EDARADD: variants seen among roughly 807,000 people sequenced by gnomAD.
The protein encoded by EDARADD is EDAR associated via death domain, also known as ectodysplasin-A receptor-associated adapter protein.
A neutral mutation model predicts 25.6 loss-of-function variants in EDARADD; 20 were observed. The ratio of observed to expected loss-of-function variants is 0.78; its 90% confidence interval spans 0.55 to 1.14. EDARADD has a LOEUF of 1.14. Ranked by LOEUF, EDARADD falls within the 50% of genes most tolerant of loss-of-function variation. The pLI, the probability that EDARADD is intolerant of heterozygous loss-of-function variation, is 0.00. For synonymous variants in EDARADD, 86 were observed against 94.4 expected (o/e 0.91, Z 0.52); for missense variants, 225 against 270.1 (o/e 0.83, Z 1.17).
At chr1:236,451,208 G>A (rs573624596) in intron 4 of EDARADD, among the ~76,000 whole-genome samples, 12 of 152,264 alleles carry the variant, frequency 7.9e-5, no homozygotes, top group African/African-American at 2.2e-4. Flanking sequence ...GGAGCTAGAT[G>A]GACCTTCTCA....
rs1667550724 is a variant in EDARADD at position 236,398,048 on chromosome 1, G to A, written c.61+3543G>A. On this transcript the variant is annotated intron_variant, in intron 1 of 5. Transcript: ENST00000334232. The surrounding 1 kb of genome is among the most constrained non-coding windows in gnomAD (Gnocchi z 4.1). Reference sequence around the variant, plus strand: ...CCTGGTGTTTTCACACCATTCCAACGTAGGTTTTCACACCCACTCTTGCCT... The same window carrying A: ...CCTGGTGTTTTCACACCATTCCAACATAGGTTTTCACACCCACTCTTGCCT... 1.3e-5 allele frequency among the ~76,000 whole-genome samples: 2 copies of A among 152,144 alleles called. No individual in the cohort carries two copies. Among genetic ancestry groups the A allele is most frequent in the Admixed American group, 6.5e-5 (1 of 15,272 alleles).
intron 5 of EDARADD, among the ~76,000 whole-genome samples, chr1:236,481,611 A>AAAG (rs1553271763): frequency 9.9e-5 from 15 of 151,196 alleles, no homozygotes; most frequent in Admixed American, 2.6e-4. Flanking sequence ...AAAAAAAAAA[A>AAAG]AAAGAAAGAA....
In EDARADD at chr1:236,395,333, C is replaced by G; in HGVS notation, c.61+828C>G. The G allele has an allele frequency of 7.6e-7, 1 of 1,307,738 alleles. No individual in the cohort carries two copies. The highest frequency in any genetic ancestry group is 9.8e-7 in the Non-Finnish European group (1 of 1,024,970). The allele number at this position is 1,307,738 out of a possible 1,614,324, so 81.0% of individuals were successfully genotyped here. ...ACACTCGGGGCCCCGCCTTGCGTCCCAGCCCCGGGTCGCGGCACCCCGGCT... is the reference window on the plus strand; with the variant it reads ...ACACTCGGGGCCCCGCCTTGCGTCCGAGCCCCGGGTCGCGGCACCCCGGCT... On this transcript the variant is annotated intron_variant, in intron 1 of 5. Transcript: ENST00000334232. The surrounding 1 kb of genome is among the most constrained non-coding windows in gnomAD (Gnocchi z 6.9).
In EDARADD at chr1:236,467,447, C is replaced by T. The variant is rs879373259; in HGVS notation, c.220-784C>T. Among the ~76,000 whole-genome samples the T allele has an allele frequency of 1.3e-4, 20 of 149,196 alleles. No homozygotes were observed. The East Asian group carries it at 2.0e-3, about 15-fold the overall frequency. On this transcript the variant is annotated intron_variant, in intron 4 of 5. Coordinates refer to ENST00000334232, the MANE Select transcript of EDARADD (RefSeq NM_145861.4). ...ACGCGCACACACACACACACACACA[C>T]ACACACACATACACACACCTGTCCA...
chr1:236,460,308 C>G (rs1410462181), intron 4 of EDARADD, among the ~76,000 whole-genome samples: 2 of 151,762 alleles, frequency 1.3e-5, no homozygotes, highest in African/African-American at 4.8e-5. Context: ...CCTCAGCCTC[C>G]CACATAGCTA....
Position 236,395,731 on chromosome 1 carries a change from A to C in EDARADD, c.61+1226A>C. ...GGGCGGGAGCTCGGGAGGCGCTCGC[A>C]GCAGCCGCAGGGCTATCGAGGCCGG... On this transcript the variant is annotated intron_variant, in intron 1 of 5. Transcript: ENST00000334232. This position sits in a 1 kb window ranked among gnomAD's most constrained non-coding sequence, Gnocchi z 6.9. 6.6e-7 allele frequency: 1 copy of C among 1,519,428 alleles called. No individual in the cohort carries two copies. Among genetic ancestry groups the C allele is most frequent in the Non-Finnish European group, 8.8e-7 (1 of 1,139,662 alleles). The allele number at this position is 1,519,428 out of a possible 1,614,324, so 94.1% of individuals were successfully genotyped here.
intron 3 of EDARADD, among the ~76,000 whole-genome samples, chr1:236,425,108 C>A (rs1366437508): frequency 1.3e-5 from 2 of 152,182 alleles, no homozygotes; most frequent in Non-Finnish European, 2.9e-5. Flanking sequence ...CCTCATCCAG[C>A]CAGGTGGTTT....
chr1:236,362,464 A>G (rs904628866), intron 3 of EDARADD, among the ~76,000 whole-genome samples: 1 of 152,198 alleles, frequency 6.6e-6, no homozygotes, highest in African/African-American at 2.4e-5. Flanking sequence ...TATCAGGTAG[A>G]TGCTTTGCAA....
At chr1:236,377,611 G>A (rs1437656772) in intron 3 of EDARADD, among the ~76,000 whole-genome samples, 3 of 151,330 alleles carry the variant, frequency 2.0e-5, no homozygotes, top group Admixed American at 6.6e-5. Context: ...TGTAATCCCA[G>A]CACTTTGGGA....
At chr1:236,392,889 C>G (rs186229231), upstream of EDARADD, among the ~76,000 whole-genome samples, 2 of 152,198 alleles carry the variant, frequency 1.3e-5, no homozygotes, top group South Asian at 4.2e-4. Flanking sequence ...AGTCTGATCT[C>G]GAACTTCTGA....
At chr1:236,419,770 A>G (rs1029805583) in intron 3 of EDARADD, among the ~76,000 whole-genome samples, 2 of 152,334 alleles carry the variant, frequency 1.3e-5, no homozygotes, top group South Asian at 2.1e-4. Flanking sequence ...TCAGTTTCCC[A>G]GATAATACTA....
At chr1:236,415,921 T>C (rs1000612390) in intron 3 of EDARADD, among the ~76,000 whole-genome samples, 5 of 152,036 alleles carry the variant, frequency 3.3e-5, no homozygotes, top group African/African-American at 1.2e-4. Context: ...CATGGAGGGG[T>C]AGGCCTGCCC....
At chr1:236,440,930 G>C (rs1658381417) in intron 4 of EDARADD, among the ~76,000 whole-genome samples, 1 of 152,008 alleles carries the variant, frequency 6.6e-6, no homozygotes, top group African/African-American at 2.4e-5. Context: ...CCTACAATGA[G>C]CTCTTAAGTG....
At chr1:236,447,207 TCTTTCTTTCTTTCTTTCCTTTCTTTC>T (rs1558127419) in intron 4 of EDARADD, among the ~76,000 whole-genome samples, 11 of 63,712 alleles carry the variant, frequency 1.7e-4, no homozygotes, top group Admixed American at 3.6e-4. Context: ...TTTCTTTCTT[TCTTTCTTTCTTTCTTTCCTTTCTTTC>T]CTTTCTTTCC....
intron 3 of EDARADD, among the ~76,000 whole-genome samples, chr1:236,354,455 G>T (rs684261): frequency 0.35 from 52,595 of 151,942 alleles, 9,311 homozygotes; most frequent in African/African-American, 0.41. Context: ...ATCTGGGAGA[G>T]CCAAGTTGGC....
chr1:236,458,646 T>TC (rs1370659122), intron 4 of EDARADD, among the ~76,000 whole-genome samples: 29 of 145,056 alleles, frequency 2.0e-4, no homozygotes, highest in African/African-American at 5.4e-4. Context: ...TTTTTCTTTT[T>TC]TTTTTTTTTT....
chr1:236,456,396 G>A (rs1358733398), intron 4 of EDARADD, among the ~76,000 whole-genome samples: 1 of 152,138 alleles, frequency 6.6e-6, no homozygotes, highest in Non-Finnish European at 1.5e-5. Flanking sequence ...AAATAAATGG[G>A]TAATGCCAGG....
chr1:236,433,177 C>T (rs1429388866), intron 4 of EDARADD, among the ~76,000 whole-genome samples: 3 of 150,974 alleles, frequency 2.0e-5, no homozygotes, highest in South Asian at 4.2e-4. Flanking sequence ...CAATGAAAGG[C>T]GCATCGCCCA....
At chr1:236,363,232 T>A (rs934053213) in intron 3 of EDARADD, among the ~76,000 whole-genome samples, 1 of 151,224 alleles carries the variant, frequency 6.6e-6, no homozygotes, top group African/African-American at 2.4e-5. Context: ...CAATTTTTGT[T>A]TGTTTGTTTT....
Sources: gnomAD v4.1 joint callset for allele counts (sites outside exome capture counted in the v4.1 genomes callset) on GRCh38, gnomAD v4.1.1 for gene constraint, Gnocchi (gnomAD v3.1) non-coding constraint, MANE v1.5 for transcripts, NCBI Gene and HGNC (gene_info 2026-07-23, HGNC 2026-07-21) for gene names.